The following TSHR variants were observed in gnomAD, a reference collection of about 807,000 sequenced individuals.
TSHR encodes thyrotropin receptor.
In TSHR, 51 loss-of-function variants were observed where a neutral mutation model predicts 64.1. The ratio of observed to expected loss-of-function variants is 0.80; its 90% CI spans 0.64 to 1.01. TSHR has a LOEUF of 1.01. Among genes scored for constraint, TSHR ranks in the 50% least tolerant of loss-of-function variants. The pLI is 0.00. For synonymous variants in TSHR, 361 were observed against 361.9 expected, an observed-to-expected ratio of 1.00 and a Z score of 0.03; for missense variants, 877 against 942.8, an observed-to-expected ratio of 0.93 and a Z score of 0.91.
intron 3 of TSHR, among the ~76,000 whole-genome samples, chr14:81,071,601 CA>C (rs542727504): frequency 4.0e-5 from 6 of 148,620 alleles, no homozygotes; most frequent in Non-Finnish European, 4.5e-5. Context: ...TTGTCTCTAC[CA>C]AAAAAAAAAT....
intron 3 of TSHR, among the ~76,000 whole-genome samples, chr14:81,077,397 T>C (rs1433302162): frequency 6.6e-6 from 1 of 152,232 alleles, no homozygotes; most frequent in Non-Finnish European, 1.5e-5. Context: ...GTTTAGTATA[T>C]GTGTGTACAC....
intron 1 of TSHR, among the ~76,000 whole-genome samples, chr14:81,009,233 A>G (rs1411940164): frequency 6.6e-6 from 1 of 152,188 alleles, no homozygotes; most frequent in Non-Finnish European, 1.5e-5. Context: ...GTATGAGAAG[A>G]TCTTTTAAAA....
At position 81,087,968 on chromosome 14, in the gene TSHR, C is replaced by A. The variant is rs1482487636; in HGVS notation, c.332C>A (p.Thr111Asn). 2 of 1,613,370 alleles carry A rather than the reference C, an allele frequency of 1.2e-6. No individual in the cohort carries two copies. Among genetic ancestry groups the A allele is most frequent in the Admixed American group, 1.7e-5 (1 of 59,984 alleles). ...AACTTATACAGAGAAATTCGGAATA[C>A]CAGGAACTTAACTTACATAGACCCT... Reference protein sequence around the residue: ...SKVTHIEIRNTRNLTYIDPDA... With the variant: ...SKVTHIEIRNNRNLTYIDPDA... Residue 111 changes from threonine to asparagine, a missense_variant, in exon 4 of 10, where the codon ACC becomes AAC. Thr to Asn is a moderately conservative substitution (Grantham distance 65, BLOSUM62 0). Transcript: ENST00000298171.
intron 3 of TSHR, among the ~76,000 whole-genome samples, chr14:81,073,988 C>A (rs7145101): frequency 6.6e-6 from 1 of 151,896 alleles, no homozygotes; most frequent in African/African-American, 2.4e-5. Context: ...ATATAAACCC[C>A]ATTGATCTTA....
At position 81,144,245 on chromosome 14, in the gene TSHR, G is replaced by A. The variant is rs1891843060; in HGVS notation, c.2187G>A (p.Arg729=). 1 of 1,613,594 alleles carries A rather than the reference G, an allele frequency of 6.2e-7. No homozygotes were observed. The highest frequency in any genetic ancestry group is 8.5e-7 in the Non-Finnish European group (1 of 1,179,740). The change falls in exon 10 of 10, where the codon AGG becomes AGA. Residue 729 remains arginine, a synonymous_variant. Coordinates refer to ENST00000298171, the MANE Select transcript of TSHR (RefSeq NM_000369.5). ...IQVQKVTHEM[R]QGLHNMEDVY... is the part of the protein sequence containing the mutation. ...TTCAAAAGGTTACCCACGAGATGAG[G>A]CAGGGTCTCCACAACATGGAAGATG...
chr14:81,013,953 A>G (rs1024351334), intron 1 of TSHR: 1 of 152,144 alleles, frequency 6.6e-6, no homozygotes, highest in African/African-American at 2.4e-5. Context: ...ACTTAAAATG[A>G]TTTGTGGGAA....
chr14:81,064,174 A>C (rs1267654733), intron 2 of TSHR, among the ~76,000 whole-genome samples: 3 of 152,110 alleles, frequency 2.0e-5, no homozygotes, highest in Non-Finnish European at 4.4e-5. Context: ...AAGTGGAGCA[A>C]GGCTGTAGGC....
At chr14:81,126,540 TG>T (rs1434897788) in intron 8 of TSHR, among the ~76,000 whole-genome samples, 1 of 152,244 alleles carries the variant, frequency 6.6e-6, no homozygotes, top group Non-Finnish European at 1.5e-5. Flanking sequence ...AGCATGGTTT[TG>T]CTAAAGTTAC....
intron 1 of TSHR, among the ~76,000 whole-genome samples, chr14:81,021,884 T>A (rs1387220246): frequency 6.6e-6 from 1 of 152,162 alleles, no homozygotes. Flanking sequence ...TTTTCTGAGT[T>A]TACAACCTCA....
At chr14:80,962,501 G>A (rs1444521450) in intron 1 of TSHR, among the ~76,000 whole-genome samples, 1 of 152,064 alleles carries the variant, frequency 6.6e-6, no homozygotes, top group East Asian at 1.9e-4. Context: ...TCCAATTATT[G>A]GTTTTAGGCT....
chr14:81,135,101 T>C (rs1891400778), intron 8 of TSHR, among the ~76,000 whole-genome samples: 1 of 152,166 alleles, frequency 6.6e-6, no homozygotes, highest in Non-Finnish European at 1.5e-5. Flanking sequence ...CCAGCTAAAG[T>C]ACCAATTGAA....
chr14:81,012,323 C>T (rs894804479), intron 1 of TSHR: 4 of 151,308 alleles, frequency 2.6e-5, no homozygotes, highest in South Asian at 2.1e-4. Flanking sequence ...GCCACATTTT[C>T]TTAATCCAGT....
At chr14:81,087,921 T>C in intron 3 of TSHR, 33 bp from the exon 4 acceptor site, 4 of 1,452,318 alleles carry the variant, frequency 2.8e-6, no homozygotes, top group Non-Finnish European at 3.9e-6. Context: ...TACGGATGCA[T>C]TATAGTGACT....
intron 1 of TSHR, among the ~76,000 whole-genome samples, chr14:80,979,044 C>G (rs751158653): frequency 1.3e-5 from 2 of 152,162 alleles, no homozygotes; most frequent in Non-Finnish European, 2.9e-5. Flanking sequence ...TTAACATTTC[C>G]AAAGGTGACA....
chr14:81,113,485 G>A (rs999810688), intron 8 of TSHR, among the ~76,000 whole-genome samples: 2 of 152,172 alleles, frequency 1.3e-5, no homozygotes, highest in Admixed American at 6.5e-5. Context: ...AATGTAGCTG[G>A]TGATGAGGGG....
intron 1 of TSHR, chr14:80,982,121 A>T: frequency 3.5e-6 from 2 of 565,746 alleles, no homozygotes; most frequent in South Asian, 2.0e-5. Context: ...CCAAAGCAAA[A>T]GACAAGCCAG....
chr14:81,069,087 T>C (rs1401713521), intron 3 of TSHR, among the ~76,000 whole-genome samples: 2 of 152,220 alleles, frequency 1.3e-5, no homozygotes, highest in African/African-American at 2.4e-5. Flanking sequence ...AAAATACTTA[T>C]CTACAAATAC....
chr14:81,120,387 C>A (rs1890739781), intron 8 of TSHR, among the ~76,000 whole-genome samples: 1 of 152,050 alleles, frequency 6.6e-6, no homozygotes, highest in African/African-American at 2.4e-5. Flanking sequence ...GTGTACAGAT[C>A]TTTCACCTCC....
In TSHR at chr14:80,955,627, C is replaced by G. The variant is rs1158566944; in HGVS notation, c.-54C>G. ...GCCTGGGGTAACCCGAGGTGCAGAG[C>G]TGAGAATGAGGCGATTTCGGAGGAT... is the stretch of plus-strand genomic sequence containing the variant. On this transcript the variant is annotated 5_prime_UTR_variant, in exon 1 of 10. Transcript: ENST00000298171. 1.2e-6 allele frequency: 2 copies of G among 1,608,494 alleles called. No homozygotes were observed. Among genetic ancestry groups the G allele is most frequent in the Non-Finnish European group, 1.7e-6 (2 of 1,176,714 alleles).
Sources: allele counts gnomAD v4.1 joint callset (sites outside exome capture counted in the v4.1 genomes callset), GRCh38; gene constraint gnomAD v4.1.1; transcripts MANE v1.5; gene names NCBI Gene and HGNC (gene_info 2026-07-23, HGNC 2026-07-21).